The following ANO10 variants were observed in gnomAD, a reference collection of about 807,000 sequenced individuals.
ANO10 encodes the protein anoctamin-10.
A neutral mutation model predicts 74.7 loss-of-function variants in ANO10; 77 were observed. The observed-to-expected ratio is 1.03, with a 90% confidence interval of 0.86 to 1.25. The LOEUF (loss-of-function observed/expected upper bound fraction) is 1.25, where lower values mean the gene tolerates loss of function less well. Ranked by LOEUF, ANO10 falls within the 50% of genes most tolerant of loss-of-function variation. ANO10 has a pLI of 0.00. For missense variants in ANO10, 721 were observed against 778.1 expected (o/e 0.93, Z 0.87); for synonymous variants, 279 against 284.9 (o/e 0.98, Z 0.21).
chr3:43,594,545 G>C (rs1217863337), intron 4 of ANO10, among the ~76,000 whole-genome samples: 2 of 152,112 alleles, frequency 1.3e-5, no homozygotes, highest in Non-Finnish European at 2.9e-5. Context: ...CAGAAACAAA[G>C]GTGTTCTCTG....
chr3:43,499,394 T>C (rs991784185), intron 11 of ANO10, among the ~76,000 whole-genome samples: 1 of 152,106 alleles, frequency 6.6e-6, no homozygotes, highest in Non-Finnish European at 1.5e-5. Flanking sequence ...AAGTATTTAC[T>C]AGGGAGGGTT....
At chr3:43,496,456 C>T (rs953926382) in intron 11 of ANO10, among the ~76,000 whole-genome samples, 50 of 151,782 alleles carry the variant, frequency 3.3e-4, no homozygotes, top group African/African-American at 9.2e-4. Flanking sequence ...TTTTTTGAGG[C>T]GGGTTCTTGC....
chr3:43,645,757 T>G (rs2083719786), intron 1 of ANO10, among the ~76,000 whole-genome samples: 1 of 152,200 alleles, frequency 6.6e-6, no homozygotes, highest in Non-Finnish European at 1.5e-5. Context: ...CTGATAGCTC[T>G]GCACTTAGCT....
At chr3:43,453,356 T>G in intron 11 of ANO10, among the ~76,000 whole-genome samples, 1 of 152,126 alleles carries the variant, frequency 6.6e-6, no homozygotes, top group East Asian at 1.9e-4. Context: ...ATTTTCCGTA[T>G]TTTTAGTACA....
At chr3:43,651,340 T>TA (rs772429612) in intron 1 of ANO10, among the ~76,000 whole-genome samples, 1 of 152,198 alleles carries the variant, frequency 6.6e-6, no homozygotes, top group Non-Finnish European at 1.5e-5. Context: ...TATATAATCT[T>TA]ACGCCATAAA....
intron 11 of ANO10, among the ~76,000 whole-genome samples, chr3:43,492,796 GGACA>G (rs1320972938): frequency 3.9e-5 from 6 of 152,196 alleles, no homozygotes; most frequent in African/African-American, 1.4e-4. Flanking sequence ...AACAGATGCT[GGACA>G]GCCTGTGGAA....
chr3:43,366,924 C>T lies in ANO10; in HGVS notation c.1965G>A (p.Gly655=). 6.3e-7 allele frequency: 1 copy of T among 1,596,798 alleles called. No homozygotes were observed. The highest frequency in any genetic ancestry group is 8.5e-7 in the Non-Finnish European group (1 of 1,171,558). Residue 655 remains glycine (G), a synonymous_variant, in exon 13 of 13, where the codon GGG becomes GGA. Transcript: ENST00000292246. ...TGGGCACTCAGGTTGCCTTCTCCTTCCCGCTTTCCATTGGTTCCTCCTTCA... is the reference window on the plus strand; with the variant it reads ...TGGGCACTCAGGTTGCCTTCTCCTTTCCGCTTTCCATTGGTTCCTCCTTCA... ...ENLKEEPMES[G]KEKAT is the part of the protein sequence containing the mutation.
intron 12 of ANO10, among the ~76,000 whole-genome samples, chr3:43,413,702 T>C (rs1575714000): frequency 4.0e-5 from 6 of 149,342 alleles, no homozygotes; most frequent in Admixed American, 6.8e-5. Context: ...TGTCAACATT[T>C]AAAAGTGAGT....
chr3:43,653,249 G>A (rs1405964328), intron 1 of ANO10, among the ~76,000 whole-genome samples: 2 of 152,050 alleles, frequency 1.3e-5, no homozygotes, highest in East Asian at 3.9e-4. Context: ...CCCTAATATA[G>A]AAATAGGTAA....
chr3:43,568,487 C>A lies in ANO10; in HGVS notation c.1219-2760G>T, dbSNP rs1414395645. ...GAACAGAAATTATAACAAACTATCT[C>A]TCAGACCACAGTGCAATCAAACTAG... is the stretch of plus-strand genomic sequence containing the variant. On this transcript the variant is annotated intron_variant, in intron 7 of 12. Coordinates refer to ENST00000292246, the MANE Select transcript of ANO10 (RefSeq NM_018075.5). Among the ~76,000 whole-genome samples, 151 of 151,460 alleles carry A rather than the reference C, an allele frequency of 1.0e-3. 2 individuals carry two copies. The East Asian group carries it at 0.022, about 22-fold the overall frequency.
At chr3:43,544,522 G>C (rs756345058) in intron 11 of ANO10, among the ~76,000 whole-genome samples, 13 of 152,246 alleles carry the variant, frequency 8.5e-5, no homozygotes, top group African/African-American at 2.6e-4. Context: ...GCTGGGTATG[G>C]TGGTTCACAC....
intron 11 of ANO10, among the ~76,000 whole-genome samples, chr3:43,546,555 G>C (rs1024196027): frequency 6.6e-6 from 1 of 151,868 alleles, no homozygotes; most frequent in African/African-American, 2.4e-5. Context: ...AATGGTGCTG[G>C]GAAAACTGGA....
intron 7 of ANO10, among the ~76,000 whole-genome samples, chr3:43,571,811 T>C (rs2080738633): frequency 7.0e-6 from 1 of 142,330 alleles, no homozygotes; most frequent in Non-Finnish European, 1.5e-5. Context: ...AATGTGCACA[T>C]GTACCCTAAA....
intron 1 of ANO10, among the ~76,000 whole-genome samples, chr3:43,640,255 T>C (rs1559380794): frequency 6.6e-6 from 1 of 152,196 alleles, no homozygotes; most frequent in African/African-American, 2.4e-5. Flanking sequence ...CAGCTTATAA[T>C]GTGGAAAGAG....
chr3:43,607,668 G>A (rs1021768290), intron 1 of ANO10, among the ~76,000 whole-genome samples: 2 of 152,090 alleles, frequency 1.3e-5, no homozygotes, highest in Non-Finnish European at 1.5e-5. Context: ...AAGTTACTAC[G>A]TATGAAAATG....
At chr3:43,665,860 T>C (rs952453669) in intron 1 of ANO10, among the ~76,000 whole-genome samples, 2 of 152,240 alleles carry the variant, frequency 1.3e-5, no homozygotes, top group African/African-American at 4.8e-5. Flanking sequence ...TTGTATGAAA[T>C]GTTCAATTTA....
intron 11 of ANO10, among the ~76,000 whole-genome samples, chr3:43,438,197 G>A (rs1217859553): frequency 6.6e-6 from 1 of 152,116 alleles, no homozygotes; most frequent in Non-Finnish European, 1.5e-5. Flanking sequence ...ACTTTGGGAG[G>A]CCAAGGTGGA....
At chr3:43,640,080 A>G (rs971730684) in intron 1 of ANO10, among the ~76,000 whole-genome samples, 2 of 152,214 alleles carry the variant, frequency 1.3e-5, no homozygotes, top group Non-Finnish European at 2.9e-5. Flanking sequence ...CTGGACAATC[A>G]TTCCAAAATG....
chr3:43,492,825 T>G (rs2076774308), intron 11 of ANO10, among the ~76,000 whole-genome samples: 1 of 152,200 alleles, frequency 6.6e-6, no homozygotes, highest in Non-Finnish European at 1.5e-5. Context: ...AAGTACACTT[T>G]TACACTGTCG....
Sources: allele counts gnomAD v4.1 joint callset (sites outside exome capture counted in the v4.1 genomes callset), GRCh38; gene constraint gnomAD v4.1.1; transcripts MANE v1.5; gene names NCBI Gene and HGNC (gene_info 2026-07-23, HGNC 2026-07-21).